The following SMAD4 variants were observed in gnomAD, a reference collection of about 807,000 sequenced individuals.
SMAD4 encodes the protein MAD homolog 4.
SMAD4 carries 7 observed loss-of-function variants against 63.2 expected under a neutral mutation model. The ratio of observed to expected loss-of-function variants is 0.11; its 90% CI spans 0.06 to 0.21. The LOEUF (loss-of-function observed/expected upper bound fraction) is 0.21. SMAD4 is among the 10% of genes least tolerant of loss of function. The pLI is 1.00. For synonymous variants in SMAD4, 215 were observed against 235.4 expected, an observed-to-expected ratio of 0.91 and a Z score of 0.79; for missense variants, 312 against 693.8, an observed-to-expected ratio of 0.45 and a Z score of 6.18.
rs1489542298 is a variant in SMAD4 at position 51,084,014 on chromosome 18, A to ACG, written c.*5548_*5549insGC. The ACG allele has an allele frequency of 2.3e-4, 14 of 61,812 alleles. No homozygotes were observed. The highest frequency in any genetic ancestry group is 8.3e-3 in the Middle Eastern group (2 of 242). 3.8% of individuals were successfully genotyped at this position (61,812 alleles called of 1,614,324 possible). On this transcript the variant is annotated 3_prime_UTR_variant, in exon 12 of 12. Coordinates refer to ENST00000342988, the MANE Select transcript of SMAD4 (RefSeq NM_005359.6). The stretch of plus-strand genomic sequence containing the variant: ...AACGCGCGTGCGCACGCGCGCGCGC[A>ACG]CACACACACACACACACACACACAC...
At chr18:51,077,411 T>A (rs1910498158) in intron 11 of SMAD4, 1 of 984,268 alleles carries the variant, frequency 1.0e-6, no homozygotes. Flanking sequence ...TCTTAACCTC[T>A]TCAGTGTGGT....
intron 8 of SMAD4, among the ~76,000 whole-genome samples, chr18:51,063,537 C>T (rs1430881150): frequency 2.0e-5 from 3 of 152,074 alleles, no homozygotes; most frequent in African/African-American, 2.4e-5. Flanking sequence ...CTCAGCCTCC[C>T]GTGTAGCTGG....
chr18:51,042,009 G>A (rs1041252814), intron 1 of SMAD4, among the ~76,000 whole-genome samples: 1 of 152,080 alleles, frequency 6.6e-6, no homozygotes. Flanking sequence ...GTAATAATAT[G>A]TTTGGGTCTT....
chr18:51,072,202 A>C (rs1240368133), intron 10 of SMAD4, among the ~76,000 whole-genome samples: 1 of 152,226 alleles, frequency 6.6e-6, no homozygotes, highest in Non-Finnish European at 1.5e-5. Flanking sequence ...ACCACTTTAC[A>C]TTCTCACTAG....
chr18:51,059,500 T>C (rs1030157084), intron 7 of SMAD4, among the ~76,000 whole-genome samples: 7 of 152,252 alleles, frequency 4.6e-5, no homozygotes, highest in African/African-American at 1.7e-4. Flanking sequence ...ACATAAGCAC[T>C]TGTTTTTAGA....
chr18:51,035,266 G>A (rs1031552865), intron 1 of SMAD4, among the ~76,000 whole-genome samples: 1 of 152,134 alleles, frequency 6.6e-6, no homozygotes, highest in East Asian at 1.9e-4. Context: ...ATGATGAGAA[G>A]TTAGTATATC....
intron 4 of SMAD4, chr18:51,052,211 A>G (rs1301512645): frequency 6.6e-6 from 1 of 152,514 alleles, no homozygotes; most frequent in African/African-American, 2.4e-5. Context: ...GTCAGGTCAG[A>G]CTGAGCTAAA....
intron 1 of SMAD4, among the ~76,000 whole-genome samples, chr18:51,034,395 C>T (rs767441936): frequency 1.3e-4 from 20 of 151,912 alleles, no homozygotes; most frequent in African/African-American, 4.1e-4. Flanking sequence ...TACAGGCGTG[C>T]GCCACCATGC....
At chr18:51,051,000 C>T (rs1032801581) in intron 4 of SMAD4, 3 of 157,958 alleles carry the variant, frequency 1.9e-5, no homozygotes, top group South Asian at 1.8e-4. Context: ...TTCTTTGCTA[C>T]GCAGACATTG....
intron 8 of SMAD4, among the ~76,000 whole-genome samples, chr18:51,062,748 C>T (rs984816794): frequency 2.9e-4 from 44 of 151,956 alleles, no homozygotes; most frequent in African/African-American, 1.1e-3. Flanking sequence ...ATCTCTGCCC[C>T]ATCGGCTCCC....
Position 51,078,876 on chromosome 18 carries a change from C to A in SMAD4, c.*409C>A, listed in dbSNP as rs1910538797. ...CAGAGAAGTTCTCAAAGTTAATTCA[C>A]CTATGTTATTTTGTGTACAAGTTGT... On this transcript the variant is annotated 3_prime_UTR_variant, in exon 12 of 12. Coordinates refer to ENST00000342988, the MANE Select transcript of SMAD4 (RefSeq NM_005359.6). 1 of 246,034 alleles carries A rather than the reference C, an allele frequency of 4.1e-6. No individual in the cohort carries two copies. Among genetic ancestry groups the A allele is most frequent in the Non-Finnish European group, 8.0e-6 (1 of 125,522 alleles). The allele number at this position is 246,034 out of a possible 1,614,324, so 15.2% of individuals were successfully genotyped here.
chr18:51,075,037 G>A (rs1338054496), intron 10 of SMAD4, among the ~76,000 whole-genome samples: 1 of 152,044 alleles, frequency 6.6e-6, no homozygotes, highest in African/African-American at 2.4e-5. Flanking sequence ...AAGTATTTTA[G>A]GACCTAATAG....
chr18:51,075,340 A>G (rs1017906255), intron 10 of SMAD4, among the ~76,000 whole-genome samples: 4 of 152,194 alleles, frequency 2.6e-5, no homozygotes, highest in Admixed American at 6.5e-5. Flanking sequence ...CTAAAAAATT[A>G]TGCATTCTCA....
intron 9 of SMAD4, 172 bp from the exon 10 acceptor site, chr18:51,066,847 A>C (rs1434340909): frequency 1.7e-6 from 1 of 600,800 alleles, no homozygotes; most frequent in African/African-American, 1.9e-5. Flanking sequence ...TCATTATTAG[A>C]TATGAACAGG....
rs541823078 is a variant in SMAD4, at chr18:51,081,003, G to A, written c.*2536G>A. On this transcript the variant is annotated 3_prime_UTR_variant, in exon 12 of 12. Transcript: ENST00000342988. ...GTATAGAAATACTTCTAGTTGTTAA[G>A]TGCTTATATTTGTACCTAGATTTAG... is the stretch of plus-strand genomic sequence containing the variant. 4.8e-6 allele frequency: 1 copy of A among 207,304 alleles called. No individual in the cohort carries two copies. The highest frequency in any genetic ancestry group is 1.9e-4 in the South Asian group (1 of 5,298). 12.8% of individuals were successfully genotyped at this position (207,304 alleles called of 1,614,324 possible).
chr18:51,071,381 G>A (rs1345715033), intron 10 of SMAD4, among the ~76,000 whole-genome samples: 1 of 152,070 alleles, frequency 6.6e-6, no homozygotes, highest in Non-Finnish European at 1.5e-5. Flanking sequence ...GGACTAAATT[G>A]TGGTTTTTTT....
At position 51,047,007 on chromosome 18, in the gene SMAD4, A is replaced by G; in HGVS notation, c.-40A>G. ...CCAAAGGATCAAAATTGCTTCAGAA[A>G]TTGGAGACATATTTGATTTAAAAGG... is the stretch of plus-strand genomic sequence containing the variant. On this transcript the variant is annotated 5_prime_UTR_variant, in exon 2 of 12. Coordinates refer to ENST00000342988, the MANE Select transcript of SMAD4 (RefSeq NM_005359.6). The G allele has an allele frequency of 6.3e-7, 1 of 1,597,502 alleles. No homozygotes were observed. The highest frequency in any genetic ancestry group is 8.6e-7 in the Non-Finnish European group (1 of 1,165,382).
intron 10 of SMAD4, among the ~76,000 whole-genome samples, chr18:51,069,715 C>T (rs1035344055): frequency 6.6e-6 from 1 of 152,150 alleles, no homozygotes; most frequent in Non-Finnish European, 1.5e-5. Flanking sequence ...GAAACTTTTC[C>T]CTGCCGTGGG....
intron 7 of SMAD4, 64 bp downstream of exon 7, chr18:51,058,520 G>A: frequency 1.0e-6 from 1 of 992,012 alleles, no homozygotes; most frequent in Non-Finnish European, 1.5e-6. Context: ...TTTGTTTTCT[G>A]TTTTTTAAAA....
Sources: gnomAD v4.1 joint callset for allele counts (sites outside exome capture counted in the v4.1 genomes callset) on GRCh38, gnomAD v4.1.1 for gene constraint, MANE v1.5 for transcripts, NCBI Gene and HGNC (gene_info 2026-07-23, HGNC 2026-07-21) for gene names.